The following RGS7 variants were observed in gnomAD, a reference collection of about 807,000 sequenced individuals.
The protein encoded by RGS7 is regulator of G-protein signaling 7.
RGS7 carries 27 observed loss-of-function variants against 81.1 expected under a neutral mutation model. The observed-to-expected ratio is 0.33, with a 90% CI of 0.25 to 0.46. The LOEUF is 0.46. Among genes scored for constraint, RGS7 ranks in the 20% least tolerant of loss-of-function variants. RGS7 has a pLI of 1.00. For missense variants in RGS7, 396 were observed against 607.4 expected, an observed-to-expected ratio of 0.65 and a Z score of 3.66; for synonymous variants, 208 against 207.7, an observed-to-expected ratio of 1.00 and a Z score of -0.01.
rs141198170 is a variant in RGS7, at chr1:240,965,944, G to A, written c.226+17135C>T. On this transcript the variant is annotated intron_variant, in intron 4 of 18. Coordinates refer to ENST00000440928, the MANE Select transcript of RGS7 (RefSeq NM_001364886.1). ...TTAATAAAATGCAGCCAATGTTCAC[G>A]AAAAGGCAAGGCAGTGGAAATTTAC... 5.9e-5 allele frequency among the ~76,000 whole-genome samples: 9 copies of A among 152,302 alleles called. No homozygotes were observed. In the East Asian group the frequency reaches 7.7e-4, roughly 13 times the overall value.
chr1:241,320,355 A>G (rs1234950424), intron 2 of RGS7, among the ~76,000 whole-genome samples: 1 of 152,206 alleles, frequency 6.6e-6, no homozygotes, highest in African/African-American at 2.4e-5. Context: ...AGATCCCTCA[A>G]TGAATTTATC....
chr1:241,089,442 G>A (rs2063728656), intron 3 of RGS7, among the ~76,000 whole-genome samples: 1 of 151,838 alleles, frequency 6.6e-6, no homozygotes, highest in South Asian at 2.1e-4. Flanking sequence ...CTGCCTAAAA[G>A]CAGGACATAG....
intron 10 of RGS7, among the ~76,000 whole-genome samples, chr1:240,826,298 A>C (rs1572279172): frequency 6.6e-6 from 1 of 152,224 alleles, no homozygotes; most frequent in Non-Finnish European, 1.5e-5. Flanking sequence ...GGGGCCTTTG[A>C]ACATGATGGT....
intron 4 of RGS7, among the ~76,000 whole-genome samples, chr1:240,967,692 A>T (rs1030442720): frequency 6.6e-6 from 1 of 152,190 alleles, no homozygotes; most frequent in South Asian, 2.1e-4. Context: ...AGTAGGAAAG[A>T]CACTGAGTGG....
intron 6 of RGS7, among the ~76,000 whole-genome samples, chr1:240,901,611 A>AGATACTAACT (rs1670028095): frequency 6.6e-6 from 1 of 152,140 alleles, no homozygotes; most frequent in African/African-American, 2.4e-5. Flanking sequence ...ACTTCTTCTA[A>AGATACTAACT]GATACTAACT....
chr1:241,252,113 G>A (rs1472803594), intron 2 of RGS7, among the ~76,000 whole-genome samples: 10 of 149,912 alleles, frequency 6.7e-5, no homozygotes, highest in African/African-American at 1.5e-4. Context: ...GTGTGACCTC[G>A]GCTCACTGCA....
Position 241,178,511 on chromosome 1 carries a change from G to A in RGS7, c.79-79749C>T, listed in dbSNP as rs7537482. On this transcript the variant is annotated intron_variant, in intron 2 of 18. Transcript: ENST00000440928. Reference sequence around the variant, plus strand: ...GAGTTCATTCAGCACCTGTAGGTTCGTAGAAGGTGAACAGTCAGCAAGGAC... The same window carrying A: ...GAGTTCATTCAGCACCTGTAGGTTCATAGAAGGTGAACAGTCAGCAAGGAC... 2.9e-3 allele frequency among the ~76,000 whole-genome samples: 442 copies of A among 152,168 alleles called. 2 individuals are homozygous for A. Among genetic ancestry groups the A allele is most frequent in the African/African-American group, 9.3e-3 (385 of 41,520 alleles).
At chr1:241,053,979 C>T (rs961509671) in intron 3 of RGS7, among the ~76,000 whole-genome samples, 2 of 152,138 alleles carry the variant, frequency 1.3e-5, no homozygotes, top group African/African-American at 4.8e-5. Flanking sequence ...TATCCAGTCT[C>T]GGGTACGTCT....
intron 3 of RGS7, among the ~76,000 whole-genome samples, chr1:241,071,582 T>C (rs1247427877): frequency 6.6e-6 from 1 of 151,526 alleles, no homozygotes; most frequent in African/African-American, 2.4e-5. Context: ...TACTGTAAAA[T>C]GAAGATGAAG....
At chr1:241,191,758 T>C (rs1301364428) in intron 2 of RGS7, among the ~76,000 whole-genome samples, 1 of 152,244 alleles carries the variant, frequency 6.6e-6, no homozygotes, top group Non-Finnish European at 1.5e-5. Context: ...TTTTAGATTA[T>C]AAATTTAAGT....
chr1:241,220,812 A>G (rs2686237), intron 2 of RGS7, among the ~76,000 whole-genome samples: 122,851 of 151,818 alleles, frequency 0.81, 49,712 homozygotes, highest in Admixed American at 0.83. Flanking sequence ...ATGCAGGAAG[A>G]CTGGCTTGAG....
chr1:241,192,159 G>GGTGTATGTGTGTGT (rs2072709820), intron 2 of RGS7, among the ~76,000 whole-genome samples: 1 of 121,934 alleles, frequency 8.2e-6, no homozygotes, highest in Non-Finnish European at 1.7e-5. Context: ...AGAGAAAACA[G>GGTGTATGTGTGTGT]GTGTGTGTGT....
intron 3 of RGS7, among the ~76,000 whole-genome samples, chr1:241,003,520 T>C (rs2058527779): frequency 6.6e-6 from 1 of 151,138 alleles, no homozygotes; most frequent in African/African-American, 2.4e-5. Flanking sequence ...GCTATTCTGA[T>C]GATGTGAGCA....
chr1:241,337,761 C>T (rs1318788864), intron 2 of RGS7, among the ~76,000 whole-genome samples: 1 of 152,186 alleles, frequency 6.6e-6, no homozygotes, highest in Admixed American at 6.5e-5. Flanking sequence ...CCTCTGACTT[C>T]ATTTTCATAA....
intron 2 of RGS7, among the ~76,000 whole-genome samples, chr1:241,307,796 G>A (rs2080267643): frequency 6.6e-6 from 1 of 151,530 alleles, no homozygotes. Flanking sequence ...ATGAATGACT[G>A]AATGAATGAA....
At chr1:240,910,162 T>TA (rs1218826774) in intron 6 of RGS7, among the ~76,000 whole-genome samples, 2 of 152,238 alleles carry the variant, frequency 1.3e-5, no homozygotes, top group African/African-American at 4.8e-5. Flanking sequence ...TATATATAGA[T>TA]ACTTGCATGA....
chr1:240,992,898 C>T (rs927511610), intron 3 of RGS7, among the ~76,000 whole-genome samples: 38 of 151,214 alleles, frequency 2.5e-4, no homozygotes, highest in Admixed American at 6.6e-5. Context: ...ACCTGTAGGC[C>T]CAGCTACTCA....
At chr1:241,177,448 C>A (rs6656671) in intron 2 of RGS7, among the ~76,000 whole-genome samples, 4 of 151,826 alleles carry the variant, frequency 2.6e-5, no homozygotes, top group Non-Finnish European at 5.9e-5. Context: ...GTAAAGGGGG[C>A]CCCACTGGCC....
intron 2 of RGS7, among the ~76,000 whole-genome samples, chr1:241,277,618 CAA>C (rs34520025): frequency 2.3e-5 from 3 of 132,738 alleles, no homozygotes; most frequent in African/African-American, 2.9e-5. Flanking sequence ...GACTCCATCT[CAA>C]AAAAAAAAAA....
Sources: gnomAD v4.1 joint callset for allele counts (sites outside exome capture counted in the v4.1 genomes callset) on GRCh38, gnomAD v4.1.1 for gene constraint, MANE v1.5 for transcripts, NCBI Gene and HGNC (gene_info 2026-07-23, HGNC 2026-07-21) for gene names.